The following CEP290 variants were observed in gnomAD, a reference collection of about 807,000 sequenced individuals.
CEP290 encodes the protein centrosomal protein of 290 kDa.
In CEP290, 317 loss-of-function variants were observed where a neutral mutation model predicts 344.9. That is an observed-to-expected ratio of 0.92 (90% CI 0.84 to 1.01). The LOEUF (loss-of-function observed/expected upper bound fraction) is 1.01. Among genes scored for constraint, CEP290 ranks in the 50% least tolerant of loss-of-function variants. The pLI, the probability that CEP290 is intolerant of heterozygous loss-of-function variation, is 0.00. For missense variants in CEP290, 2,754 were observed against 2,761.4 expected, an observed-to-expected ratio of 1.00 and a Z score of 0.06; for synonymous variants, 932 against 895.8, an observed-to-expected ratio of 1.04 and a Z score of -0.72.
At chr12:88,095,794 T>C (rs2037381234) in intron 27 of CEP290, among the ~76,000 whole-genome samples, 3 of 152,290 alleles carry the variant, frequency 2.0e-5, no homozygotes, top group South Asian at 4.1e-4. Flanking sequence ...TTGAAAATTA[T>C]GAAGCACAAT....
chr12:88,104,886 A>G (rs1042459230), intron 25 of CEP290, among the ~76,000 whole-genome samples: 1 of 152,138 alleles, frequency 6.6e-6, no homozygotes, highest in Non-Finnish European at 1.5e-5. Context: ...AAAAAAATAC[A>G]AGTGCAAAAT....
At chr12:88,116,314 T>C (rs866847409) in intron 18 of CEP290, among the ~76,000 whole-genome samples, 3 of 152,222 alleles carry the variant, frequency 2.0e-5, no homozygotes, top group African/African-American at 2.4e-5. Context: ...CTTATTGTAA[T>C]AGTTTCTGGA....
chr12:88,126,255 T>C, intron 12 of CEP290, 61 bp downstream of exon 12: 1 of 1,315,942 alleles, frequency 7.6e-7, no homozygotes, highest in Non-Finnish European at 9.9e-7. Flanking sequence ...ATAAAAGACA[T>C]CGTTCAGAGT....
chr12:88,130,180 A>T, intron 9 of CEP290, 88 bp downstream of exon 9: 1 of 1,273,246 alleles, frequency 7.9e-7, no homozygotes, highest in African/African-American at 1.5e-5. Context: ...CAGGGAATTT[A>T]CATGTAGGGC....
chr12:88,084,830 G>A lies in CEP290; in HGVS notation c.4460C>T (p.Ala1487Val). The change falls in exon 35 of 54, where the codon GCT (alanine) becomes GTT (valine). Residue 1487 changes from alanine (A) to valine (V), a missense_variant. Transcript: ENST00000552810. Reference protein sequence around the residue: ...LEEKLKEKESALRLAEQNILS... With the variant: ...LEEKLKEKESVLRLAEQNILS... ...TATATTTTGTTCTGCTAACCTTAAA[G>A]CAGATTCTTTCTCTTTTAGTTTCTG... 1 of 1,578,200 alleles carries A rather than the reference G, an allele frequency of 6.3e-7. No homozygotes were observed. The highest frequency in any genetic ancestry group is 8.6e-7 in the Non-Finnish European group (1 of 1,165,944).
rs762987255 is a variant in CEP290, at chr12:88,049,430, T to C, written c.7210-16A>G. The C allele has an allele frequency of 6.4e-6, 8 of 1,242,650 alleles. No individual in the cohort carries two copies. Among genetic ancestry groups the C allele is most frequent in the Admixed American group, 5.0e-5 (2 of 40,046 alleles). 77.0% of individuals were successfully genotyped at this position (1,242,650 alleles called of 1,614,324 possible). A position where few individuals can be genotyped will look rare whatever the true frequency, so the allele number is the denominator to read the frequency against. ...TTATTTCCTCCTAATGGAAACATTA[T>C]CTTTAAAAGTTGCATATAGGAAATA... On this transcript the variant is annotated splice_polypyrimidine_tract_variant and intron_variant, in intron 53 of 53. Transcript: ENST00000552810.
rs1413619739 is a variant in CEP290 at position 88,093,761 on chromosome 12, A to AT, written c.3309+8dup. On this transcript the variant is annotated intron_variant, in intron 28 of 53. Transcript: ENST00000552810. Reference sequence around the variant, plus strand: ...CTATAATTGTATGATAAAACTTATAATATCAAACCTCAGCAAATTTGGTTT... The same window carrying AT: ...CTATAATTGTATGATAAAACTTATAATTATCAAACCTCAGCAAATTTGGTTT... 1 of 1,579,802 alleles carries AT rather than the reference A, an allele frequency of 6.3e-7. No homozygotes were observed. The highest frequency in any genetic ancestry group is 1.1e-5 in the South Asian group (1 of 87,972).
chr12:88,079,735 TGACC>T (rs2036051884), intron 38 of CEP290, among the ~76,000 whole-genome samples: 3 of 152,164 alleles, frequency 2.0e-5, no homozygotes. Flanking sequence ...CAGAATACAC[TGACC>T]AACTCCTTCT....
chr12:88,125,409 T>C, intron 12 of CEP290, 40 bp from the exon 13 acceptor site: 1 of 981,876 alleles, frequency 1.0e-6, no homozygotes. Flanking sequence ...CCTTCATGAA[T>C]ATTAACCTAA....
chr12:88,078,929 AAG>A lies in CEP290; in HGVS notation c.5364+161_5364+162del, dbSNP rs772165600. 4.6e-5 allele frequency among the ~76,000 whole-genome samples: 7 copies of A among 152,290 alleles called. No individual in the cohort carries two copies. In the East Asian group the frequency reaches 1.2e-3, roughly 25 times the overall value. On this transcript the variant is annotated intron_variant, in intron 39 of 53. Coordinates refer to ENST00000552810, the MANE Select transcript of CEP290 (RefSeq NM_025114.4). ...TGATAATCAGTAAATGAGTATCATA[AAG>A]AGACTTATTGTTGAAAAATGCATGT... is the stretch of plus-strand genomic sequence containing the variant.
intron 21 of CEP290, 134 bp downstream of exon 21, chr12:88,111,560 C>T: frequency 3.5e-6 from 3 of 853,542 alleles, no homozygotes; most frequent in Non-Finnish European, 5.1e-6. Flanking sequence ...TAAGAGAAAT[C>T]CAGTTTCTTA....
intron 44 of CEP290, among the ~76,000 whole-genome samples, chr12:88,066,557 C>T (rs2034954006): frequency 6.6e-6 from 1 of 151,856 alleles, no homozygotes; most frequent in African/African-American, 2.4e-5. Context: ...CTGCCTTGGC[C>T]TCCCAAAGTG....
At chr12:88,080,793 G>A (rs1490394654) in intron 37 of CEP290, among the ~76,000 whole-genome samples, 1 of 152,120 alleles carries the variant, frequency 6.6e-6, no homozygotes, top group Non-Finnish European at 1.5e-5. Flanking sequence ...ATTTCATATA[G>A]AGCAAATGTT....
In CEP290 at chr12:88,077,247, A is replaced by C; in HGVS notation, c.5684T>G (p.Val1895Gly). Residue 1895 changes from valine to glycine, a missense_variant, in exon 41 of 54, where the codon GTA (valine) becomes GGA (glycine). Coordinates refer to ENST00000552810, the MANE Select transcript of CEP290 (RefSeq NM_025114.4). ...ENQLEGKVEEVDLKPMKEKNA... is the reference protein window; with the variant it reads ...ENQLEGKVEEGDLKPMKEKNA... ...CTTTTCTTTCATAGGTTTTAGGTCT[A>C]CTTCCTCCACCTTTCCCTCTAATTG... is the stretch of plus-strand genomic sequence containing the variant. The C allele has an allele frequency of 6.2e-7, 1 of 1,604,996 alleles. No individual in the cohort carries two copies. Among genetic ancestry groups the C allele is most frequent in the Non-Finnish European group, 8.5e-7 (1 of 1,176,832 alleles).
At chr12:88,137,037 TTG>T (rs2040390027) in intron 5 of CEP290, among the ~76,000 whole-genome samples, 1 of 152,102 alleles carries the variant, frequency 6.6e-6, no homozygotes, top group African/African-American at 2.4e-5. Context: ...AATCATTCTG[TTG>T]TAACCACTGG....
intron 50 of CEP290, 113 bp from the exon 51 acceptor site, chr12:88,054,526 G>A (rs141300241): frequency 1.0e-4 from 76 of 761,696 alleles, no homozygotes; most frequent in African/African-American, 9.6e-4. Flanking sequence ...TCAAAAGCAC[G>A]CATAGGCAAA....
chr12:88,060,905 T>C lies in CEP290; in HGVS notation c.6447A>G (p.Glu2149=). The C allele has an allele frequency of 6.4e-7, 1 of 1,555,854 alleles. No homozygotes were observed. The highest frequency in any genetic ancestry group is 8.7e-7 in the Non-Finnish European group (1 of 1,149,342). ...KVVEKVQREN[E]QLKKASGILT... ...ATATTCCTGATGCTTTTTTCAACTG[T>C]TCATTTTCTCTCTGGACTTTTTCAA... is the stretch of plus-strand genomic sequence containing the variant. Residue 2149 remains glutamate, a synonymous_variant, in exon 47 of 54, where the codon GAA becomes GAG. Transcript: ENST00000552810.
chr12:88,091,661 A>G (rs2037053771), intron 29 of CEP290, among the ~76,000 whole-genome samples: 1 of 152,136 alleles, frequency 6.6e-6, no homozygotes, highest in Non-Finnish European at 1.5e-5. Flanking sequence ...CATGAGAAGA[A>G]AGGATCAATT....
In CEP290 at chr12:88,121,621, A is replaced by G. The variant is rs906334496; in HGVS notation, c.1190-455T>C. 3.2e-4 allele frequency among the ~76,000 whole-genome samples: 48 copies of G among 152,208 alleles called. No homozygotes were observed. The East Asian group carries it at 6.6e-3, about 21-fold the overall frequency. On this transcript the variant is annotated intron_variant, in intron 13 of 53. Coordinates refer to ENST00000552810, the MANE Select transcript of CEP290 (RefSeq NM_025114.4). ...AGTTCATATGTGAATTTCAAAAAAA[A>G]AAAAAAAAATGTTTTTAAAATAAAG...
Sources: gnomAD v4.1 joint callset for allele counts (sites outside exome capture counted in the v4.1 genomes callset) on GRCh38, gnomAD v4.1.1 for gene constraint, MANE v1.5 for transcripts, NCBI Gene and HGNC (gene_info 2026-07-23, HGNC 2026-07-21) for gene names.